The following TSHZ2 variants were observed in gnomAD, a reference collection of about 807,000 sequenced individuals.
TSHZ2 encodes teashirt zinc finger homeobox 2.
Under a neutral mutation model 74.4 loss-of-function variants are expected in TSHZ2, and 21 were observed. That is an observed-to-expected ratio of 0.28 (90% CI 0.20 to 0.41). The LOEUF (loss-of-function observed/expected upper bound fraction) is 0.41, where lower values mean the gene tolerates loss of function less well. Ranked by LOEUF, TSHZ2 falls within the 10% of genes least tolerant of loss-of-function variation. The pLI is 1.00. For missense variants in TSHZ2, 1,244 were observed against 1,293.5 expected, an observed-to-expected ratio of 0.96 and a Z score of 0.59; for synonymous variants, 540 against 515.3, an observed-to-expected ratio of 1.05 and a Z score of -0.65.
intron 1 of TSHZ2, among the ~76,000 whole-genome samples, chr20:52,997,259 C>CCG (rs147571253): frequency 6.7e-6 from 1 of 149,016 alleles, no homozygotes; most frequent in African/African-American, 2.5e-5. Context: ...CATCTTGCCC[C>CCG]GGGGGGGGGT....
At chr20:53,036,291 G>A (rs1253789177) in intron 1 of TSHZ2, among the ~76,000 whole-genome samples, 1 of 152,098 alleles carries the variant, frequency 6.6e-6, no homozygotes, top group African/African-American at 2.4e-5. Context: ...TTAAGTATCT[G>A]CTTTGTGCAA....
chr20:53,261,911 G>A (rs1990607809), intron 2 of TSHZ2, among the ~76,000 whole-genome samples: 1 of 152,166 alleles, frequency 6.6e-6, no homozygotes, highest in African/African-American at 2.4e-5. Context: ...AAAGTGAGGA[G>A]GGGAAAATAA....
intron 1 of TSHZ2, among the ~76,000 whole-genome samples, chr20:53,237,943 T>C (rs540122593): frequency 6.6e-6 from 1 of 152,274 alleles, no homozygotes; most frequent in African/African-American, 2.4e-5. Flanking sequence ...GAAAGCATTT[T>C]TAAGGCAAAT....
At chr20:53,180,110 T>C (rs1057178235) in intron 1 of TSHZ2, among the ~76,000 whole-genome samples, 3 of 152,052 alleles carry the variant, frequency 2.0e-5, no homozygotes, top group Non-Finnish European at 4.4e-5. Flanking sequence ...ACTTTCCCCA[T>C]TAATTACTTC....
chr20:53,453,557 G>T (rs1465321978), intron 2 of TSHZ2, among the ~76,000 whole-genome samples: 3 of 152,182 alleles, frequency 2.0e-5, no homozygotes, highest in Non-Finnish European at 4.4e-5. Context: ...GTGTGGAGTG[G>T]AAGCAAAGCA....
chr20:53,294,148 G>GGGGCTGGATCTTGGGCTGGATCTT (rs71894261), intron 2 of TSHZ2, among the ~76,000 whole-genome samples: 1 of 151,572 alleles, frequency 6.6e-6, no homozygotes, highest in African/African-American at 2.4e-5. Flanking sequence ...TGAGCTAGGA[G>GGGGCTGGATCTTGGGCTGGATCTT]GGGCTGGATC....
At chr20:53,020,406 C>T (rs1021261521) in intron 1 of TSHZ2, among the ~76,000 whole-genome samples, 6 of 152,258 alleles carry the variant, frequency 3.9e-5, no homozygotes, top group African/African-American at 1.2e-4. Context: ...AGATGGCCAA[C>T]GAAAACAGCC....
At chr20:53,384,946 C>T (rs976645913) in intron 2 of TSHZ2, among the ~76,000 whole-genome samples, 1 of 152,106 alleles carries the variant, frequency 6.6e-6, no homozygotes, top group Admixed American at 6.6e-5. Context: ...CACGGTGAAA[C>T]CCCGTCTCTA....
At chr20:53,419,583 C>G (rs1001673915) in intron 2 of TSHZ2, among the ~76,000 whole-genome samples, 3 of 152,208 alleles carry the variant, frequency 2.0e-5, no homozygotes, top group Non-Finnish European at 4.4e-5. Context: ...TTTGCCCACT[C>G]TATAAAGAGC....
intron 1 of TSHZ2, among the ~76,000 whole-genome samples, chr20:53,104,413 T>C (rs2123302458): frequency 6.6e-6 from 1 of 152,292 alleles, no homozygotes; most frequent in South Asian, 2.1e-4. Context: ...AAAGTACTTT[T>C]CACTTGCATT....
intron 1 of TSHZ2, among the ~76,000 whole-genome samples, chr20:53,032,276 C>T (rs1425989847): frequency 2.0e-5 from 3 of 152,336 alleles, no homozygotes; most frequent in East Asian, 3.9e-4. Flanking sequence ...GTTCTATAGC[C>T]AGTCATGCAG....
At chr20:53,097,361 G>C (rs973289953) in intron 1 of TSHZ2, among the ~76,000 whole-genome samples, 15 of 152,110 alleles carry the variant, frequency 9.9e-5, no homozygotes, top group Non-Finnish European at 1.3e-4. Flanking sequence ...GAGGTATCAA[G>C]GCCAGATATA....
At chr20:53,426,104 G>T (rs943958102) in intron 2 of TSHZ2, among the ~76,000 whole-genome samples, 1 of 152,178 alleles carries the variant, frequency 6.6e-6, no homozygotes, top group African/African-American at 2.4e-5. Flanking sequence ...GACAAACTCC[G>T]AGTAACTGAG....
chr20:53,096,682 A>T (rs73140236), intron 1 of TSHZ2, among the ~76,000 whole-genome samples: 12,080 of 152,002 alleles, frequency 0.079, 524 homozygotes, highest in Non-Finnish European at 0.1. Flanking sequence ...AAGGAGTCCA[A>T]CACTAGCCTG....
chr20:53,459,720 G>A (rs1404149461), intron 2 of TSHZ2, among the ~76,000 whole-genome samples: 11 of 139,932 alleles, frequency 7.9e-5, no homozygotes, highest in Admixed American at 1.5e-4. Flanking sequence ...CATGTTTAGC[G>A]CTTCCTTCAG....
intron 1 of TSHZ2, among the ~76,000 whole-genome samples, chr20:53,136,379 A>G (rs1471604048): frequency 6.6e-6 from 1 of 152,230 alleles, no homozygotes; most frequent in East Asian, 1.9e-4. Context: ...AAGGGATCGA[A>G]GAGCTAGTTT....
intron 1 of TSHZ2, among the ~76,000 whole-genome samples, chr20:53,125,624 C>T (rs577115580): frequency 1.3e-5 from 2 of 152,218 alleles, no homozygotes; most frequent in Admixed American, 6.5e-5. Context: ...AGGCAACCCC[C>T]CGGTGATCTG....
intron 1 of TSHZ2, among the ~76,000 whole-genome samples, chr20:53,015,054 T>C (rs959696912): frequency 6.6e-6 from 1 of 152,112 alleles, no homozygotes; most frequent in Non-Finnish European, 1.5e-5. Context: ...GGCCACTGTC[T>C]TTCCTTCTGT....
chr20:53,441,440 T>C (rs990455091), intron 2 of TSHZ2, among the ~76,000 whole-genome samples: 3 of 151,082 alleles, frequency 2.0e-5, no homozygotes, highest in African/African-American at 7.3e-5. Context: ...TAGGTTTTCT[T>C]TTTGTTTTGT....
Sources: gnomAD v4.1 joint callset for allele counts (sites outside exome capture counted in the v4.1 genomes callset) on GRCh38, gnomAD v4.1.1 for gene constraint, MANE v1.5 for transcripts, NCBI Gene and HGNC (gene_info 2026-07-23, HGNC 2026-07-21) for gene names.